Variants in SPATA22 observed in about 807,000 individuals in gnomAD.
The protein encoded by SPATA22 is spermatogenesis-associated protein 22.
SPATA22 carries 29 observed loss-of-function variants against 47.8 expected under a neutral mutation model. That is an observed-to-expected ratio of 0.61 (90% CI 0.45 to 0.83). SPATA22 has a LOEUF of 0.83. SPATA22 is among the 40% of genes least tolerant of loss of function. SPATA22 has a pLI of 0.00. For synonymous variants in SPATA22, 133 were observed against 140.9 expected (o/e 0.94, Z 0.40); for missense variants, 410 against 421.7 (o/e 0.97, Z 0.24).
chr17:3,476,046 A>T, upstream of SPATA22: 1 of 972,702 alleles, frequency 1.0e-6, no homozygotes, highest in Non-Finnish European at 1.6e-6. Flanking sequence ...GGAATTCTGT[A>T]CTTTGCCCTT....
Position 3,443,286 on chromosome 17 carries a change from A to C in SPATA22, c.803-15T>G. The stretch of plus-strand genomic sequence containing the variant: ...ATCAAGAACAGCTAAGCAATATTGA[A>C]ATGGGGGAAAAAATGAATGTTGGTA... On this transcript the variant is annotated splice_polypyrimidine_tract_variant and intron_variant, in intron 7 of 8. Transcript: ENST00000572969. 6.4e-7 allele frequency: 1 copy of C among 1,554,758 alleles called. No individual in the cohort carries two copies. Among genetic ancestry groups the C allele is most frequent in the Non-Finnish European group, 8.7e-7 (1 of 1,143,802 alleles).
intron 1 of SPATA22, chr17:3,503,071 A>C (rs1254559238): frequency 6.6e-6 from 1 of 151,910 alleles, no homozygotes; most frequent in Non-Finnish European, 1.5e-5. Context: ...CTCCAGCCCC[A>C]CCAGGGCCCT....
intron 5 of SPATA22, among the ~76,000 whole-genome samples, chr17:3,456,709 T>C (rs2073006931): frequency 6.6e-6 from 1 of 151,938 alleles, no homozygotes; most frequent in Admixed American, 6.6e-5. Flanking sequence ...GAGGCCAGCA[T>C]CATCCCGATA....
At position 3,494,455 on chromosome 17, in the gene SPATA22, T is replaced by C. The variant is rs2073877343; in HGVS notation, c.-74+18957A>G. 1 of 1,597,152 alleles carries C rather than the reference T, an allele frequency of 6.3e-7. No homozygotes were observed. Among genetic ancestry groups the C allele is most frequent in the Non-Finnish European group, 8.6e-7 (1 of 1,164,474 alleles). ...ATTGCTGCTATCATCCATCCTAATC[T>C]GCAGGTAACATTTGTTCTTTCTTTA... On this transcript the variant is annotated intron_variant, in intron 1 of 8. Transcript: ENST00000541913.
chr17:3,472,053 G>A (rs1005527290), upstream of SPATA22: 41 of 180,922 alleles, frequency 2.3e-4, no homozygotes, highest in African/African-American at 9.5e-4. Context: ...CTGCCCAACC[G>A]GCCTCAGCCC....
chr17:3,510,162 G>C (rs2074093835), intron 1 of SPATA22, among the ~76,000 whole-genome samples: 2 of 152,174 alleles, frequency 1.3e-5, no homozygotes, highest in Admixed American at 1.3e-4. Context: ...AGTGGATAGA[G>C]CACTCTTTGA....
At position 3,467,692 on chromosome 17, in the gene SPATA22, A is replaced by G. The variant is rs534876304; in HGVS notation, c.44-138T>C. ...TATACTTATAGATTTCTATAACCTT[A>G]GAATGATTTTTACATTCTTTTTAAG... is the stretch of plus-strand genomic sequence containing the variant. On this transcript the variant is annotated intron_variant, in intron 2 of 8. Transcript: ENST00000572969. The G allele has an allele frequency of 1.2e-5, 8 of 653,984 alleles. No individual in the cohort carries two copies. In the East Asian group the frequency reaches 2.7e-4, roughly 22 times the overall value. 40.5% of individuals were successfully genotyped at this position (653,984 alleles called of 1,614,324 possible). A position where few individuals can be genotyped will look rare whatever the true frequency, so the allele number is the denominator to read the frequency against.
chr17:3,479,359 C>T (rs1453981412), intron 1 of SPATA22, among the ~76,000 whole-genome samples: 1 of 152,130 alleles, frequency 6.6e-6, no homozygotes, highest in African/African-American at 2.4e-5. Flanking sequence ...TCGGGCGCGA[C>T]CTCAGGGGGT....
intron 1 of SPATA22, chr17:3,483,441 G>A: frequency 6.9e-7 from 1 of 1,449,390 alleles, no homozygotes; most frequent in Non-Finnish European, 9.7e-7. Context: ...CTCTGTTGAA[G>A]CAAAGAGAAC....
chr17:3,507,687 A>G (rs767439864), intron 1 of SPATA22, among the ~76,000 whole-genome samples: 13 of 152,174 alleles, frequency 8.5e-5, no homozygotes, highest in Admixed American at 2.0e-4. Flanking sequence ...TTCCCTACCT[A>G]TTAAACTGGG....
At chr17:3,499,615 C>G (rs565879856) in intron 1 of SPATA22, 10 of 152,564 alleles carry the variant, frequency 6.6e-5, no homozygotes, top group African/African-American at 2.4e-4. Flanking sequence ...CTATGGTGAT[C>G]TGTGATCAGT....
chr17:3,505,399 G>A (rs2074031564), intron 1 of SPATA22, among the ~76,000 whole-genome samples: 1 of 152,246 alleles, frequency 6.6e-6, no homozygotes, highest in African/African-American at 2.4e-5. Flanking sequence ...CTGGATAAAT[G>A]AGAGTTGCTC....
Position 3,448,969 on chromosome 17 carries a change from T to G in SPATA22, c.510A>C (p.Lys170Asn). The G allele has an allele frequency of 6.2e-7, 1 of 1,614,094 alleles. No homozygotes were observed. The highest frequency in any genetic ancestry group is 8.5e-7 in the Non-Finnish European group (1 of 1,179,994). ...GTGTTTGTCTGAGTAGCTCGGTTTC[T>G]TTGTTGCGAGATAAGTTAGGAGGTT... Reference protein sequence around the residue: ...IPEPPNLSRNKETELLRQTHS... With the variant: ...IPEPPNLSRNNETELLRQTHS... The change falls in exon 6 of 9, where the codon AAA becomes AAC. Residue 170 changes from lysine (K) to asparagine (N), a missense_variant. Physicochemically the swap from Lys to Asn is moderately conservative, Grantham distance 94. Transcript: ENST00000572969.
At chr17:3,443,817 G>T (rs1474440074) in intron 7 of SPATA22, among the ~76,000 whole-genome samples, 2 of 151,634 alleles carry the variant, frequency 1.3e-5, no homozygotes, top group Non-Finnish European at 2.9e-5. Flanking sequence ...CCTATATATA[G>T]TGAAATCATT....
intron 5 of SPATA22, among the ~76,000 whole-genome samples, chr17:3,458,820 G>T (rs1438951810): frequency 1.8e-5 from 2 of 108,600 alleles, no homozygotes; most frequent in Non-Finnish European, 3.4e-5. Flanking sequence ...ACATTGTCTT[G>T]TTGCCACTGC....
intron 1 of SPATA22, among the ~76,000 whole-genome samples, chr17:3,486,080 C>T (rs2150750819): frequency 6.6e-6 from 1 of 152,126 alleles, no homozygotes; most frequent in Admixed American, 6.5e-5. Flanking sequence ...TTACAGGTGC[C>T]CACCACCATA....
intron 1 of SPATA22, among the ~76,000 whole-genome samples, chr17:3,483,008 A>T (rs1208438024): frequency 7.0e-6 from 1 of 143,068 alleles, no homozygotes; most frequent in Non-Finnish European, 1.5e-5. Context: ...CAGATATGGA[A>T]GCAGAATTGC....
In SPATA22 at chr17:3,444,309, T is replaced by A. The variant is rs188528881; in HGVS notation, c.803-1038A>T. Reference sequence around the variant, plus strand: ...CCCATCCCCAGATCCACGAGTGAACTGTGACTGACTTAATCCAATCAGCAT... The same window carrying A: ...CCCATCCCCAGATCCACGAGTGAACAGTGACTGACTTAATCCAATCAGCAT... On this transcript the variant is annotated intron_variant, in intron 7 of 8. Transcript: ENST00000572969. 9.9e-5 allele frequency among the ~76,000 whole-genome samples: 15 copies of A among 152,186 alleles called. No individual in the cohort carries two copies. In the East Asian group the frequency reaches 2.5e-3, roughly 25 times the overall value.
chr17:3,494,543 C>A, intron 1 of SPATA22: 1 of 1,133,978 alleles, frequency 8.8e-7, no homozygotes, highest in Non-Finnish European at 1.3e-6. Flanking sequence ...CAGCACTTCG[C>A]GTACATTCGC....
Sources: gnomAD v4.1 joint callset for allele counts (sites outside exome capture counted in the v4.1 genomes callset) on GRCh38, gnomAD v4.1.1 for gene constraint, MANE v1.5 for transcripts, NCBI Gene and HGNC (gene_info 2026-07-23, HGNC 2026-07-21) for gene names.